The following KIF4A variants were observed in gnomAD, a reference collection of about 807,000 sequenced individuals.
KIF4A encodes the protein chromosome-associated kinesin KIF4A.
KIF4A carries 7 observed loss-of-function variants against 105.9 expected under a neutral mutation model. The ratio of observed to expected loss-of-function variants is 0.07; its 90% CI spans 0.04 to 0.12. KIF4A has a LOEUF of 0.12. Among genes scored for constraint, KIF4A ranks in the 10% least tolerant of loss-of-function variants. The pLI is 1.00. For missense variants in KIF4A, 558 were observed against 929.2 expected, an observed-to-expected ratio of 0.60 and a Z score of 5.19; for synonymous variants, 281 against 331.3, an observed-to-expected ratio of 0.85 and a Z score of 1.65.
intron 7 of KIF4A, among the ~76,000 whole-genome samples, chrX:70,311,440 C>T (rs2085849409): frequency 9.0e-6 from 1 of 110,955 alleles, no homozygotes; most frequent in African/African-American, 3.3e-5. Context: ...CTTTTCTTCT[C>T]CTTTTTAAAA....
chrX:70,371,222 T>C (rs1273859394), intron 15 of KIF4A, among the ~76,000 whole-genome samples: 2 of 91,473 alleles, frequency 2.2e-5, no homozygotes, highest in Non-Finnish European at 4.5e-5. Flanking sequence ...CTTCAGTTTC[T>C]AGACTTCGTT....
intron 7 of KIF4A, among the ~76,000 whole-genome samples, chrX:70,328,662 G>C (rs2085919384): frequency 9.0e-6 from 1 of 111,674 alleles, no homozygotes; most frequent in East Asian, 2.8e-4. Context: ...CATATAACTA[G>C]TCAGTGACAG....
intron 10 of KIF4A, among the ~76,000 whole-genome samples, chrX:70,334,661 A>G (rs866183032): frequency 8.9e-6 from 1 of 112,384 alleles, no homozygotes; most frequent in Middle Eastern, 4.6e-3. Flanking sequence ...TGTTTCCCAC[A>G]GTTACTGTTT....
At chrX:70,370,578 T>C (rs2086126981) in intron 15 of KIF4A, among the ~76,000 whole-genome samples, 1 of 109,211 alleles carries the variant, frequency 9.2e-6, no homozygotes, top group African/African-American at 3.3e-5. Flanking sequence ...GTAGAATATA[T>C]CAAATAAAGA....
rs781519426 is a variant in KIF4A at position 70,395,938 on chromosome X, A to G, written c.2389-11A>G. 2.5e-6 allele frequency: 3 copies of G among 1,201,452 alleles called. No individual in the cohort carries two copies. The highest frequency in any genetic ancestry group is 2.2e-5 in the Admixed American group (1 of 45,632). ...TTAGTATTTCACCCTTGTTCTCACT[A>G]TTATTTACAGAGGCGTACATTCTCC... is the stretch of plus-strand genomic sequence containing the variant. On this transcript the variant is annotated splice_polypyrimidine_tract_variant and intron_variant, in intron 21 of 30. Coordinates refer to ENST00000374403, the MANE Select transcript of KIF4A (RefSeq NM_012310.5).
At chrX:70,291,966 GTTTT>G (rs1217475654) in intron 3 of KIF4A, among the ~76,000 whole-genome samples, 7 of 111,328 alleles carry the variant, frequency 6.3e-5, no homozygotes, top group Non-Finnish European at 1.3e-4. Flanking sequence ...ATTTTTTCAC[GTTTT>G]TTTGTTTAAT....
In KIF4A at chrX:70,417,780, T is replaced by A. The variant is rs755808379; in HGVS notation, c.3256-108T>A. 1,201 of 540,003 alleles carry A rather than the reference T, an allele frequency of 2.2e-3. 2 individuals are homozygous for A. The highest frequency in any genetic ancestry group is 3.3e-3 in the Non-Finnish European group (1,084 of 331,156). 44.5% of individuals were successfully genotyped at this position (540,003 alleles called of 1,213,427 possible). Reference sequence around the variant, plus strand: ...AAGGAGATTGAAGCTTGGTAGATAATAGTACTTTCCATTTTTTTCTAGAAA... The same window carrying A: ...AAGGAGATTGAAGCTTGGTAGATAAAAGTACTTTCCATTTTTTTCTAGAAA... On this transcript the variant is annotated intron_variant, in intron 28 of 30. Coordinates refer to ENST00000374403, the MANE Select transcript of KIF4A (RefSeq NM_012310.5).
At chrX:70,317,635 C>G (rs2085874713) in intron 7 of KIF4A, among the ~76,000 whole-genome samples, 1 of 105,111 alleles carries the variant, frequency 9.5e-6, no homozygotes, top group Non-Finnish European at 1.9e-5. Flanking sequence ...GCCTCAACCT[C>G]CTGGACTCAA....
chrX:70,395,117 G>A (rs1274286362), intron 20 of KIF4A, among the ~76,000 whole-genome samples: 3 of 111,490 alleles, frequency 2.7e-5, no homozygotes, highest in African/African-American at 6.5e-5. Flanking sequence ...GTGGTGGCGC[G>A]TGCTTGTAAT....
chrX:70,390,531 CTGTT>C (rs1271239010), intron 20 of KIF4A, among the ~76,000 whole-genome samples: 2 of 111,034 alleles, frequency 1.8e-5, no homozygotes, highest in African/African-American at 6.5e-5. Flanking sequence ...GCTTTTTTTT[CTGTT>C]TCTGTTGAGA....
At chrX:70,308,416 C>G (rs1016612249) in intron 7 of KIF4A, among the ~76,000 whole-genome samples, 23 of 112,061 alleles carry the variant, frequency 2.1e-4, no homozygotes, top group Non-Finnish European at 1.7e-4. Flanking sequence ...AAGATAAAAT[C>G]TACCTTGATT....
chrX:70,290,835 A>T lies in KIF4A; in HGVS notation c.235+30A>T, dbSNP rs775216475. 9 of 987,921 alleles carry T rather than the reference A, an allele frequency of 9.1e-6. No individual in the cohort carries two copies. The East Asian group carries it at 2.4e-4, about 27-fold the overall frequency. The allele number at this position is 987,921 out of a possible 1,213,427, so 81.4% of individuals were successfully genotyped here. ...GGCGATTTGATTCCTCGAACGTAAC[A>T]TATATATTCCTTGAGCATATACTAT... is the stretch of plus-strand genomic sequence containing the variant. On this transcript the variant is annotated intron_variant, in intron 3 of 30. Coordinates refer to ENST00000374403, the MANE Select transcript of KIF4A (RefSeq NM_012310.5).
chrX:70,317,406 T>G (rs1163375139), intron 7 of KIF4A, among the ~76,000 whole-genome samples: 1 of 111,262 alleles, frequency 9.0e-6, no homozygotes, highest in East Asian at 2.8e-4. Flanking sequence ...GATTATAAAG[T>G]AAGCATCTAT....
At chrX:70,295,714 A>G (rs1343229685) in intron 3 of KIF4A, among the ~76,000 whole-genome samples, 1 of 109,094 alleles carries the variant, frequency 9.2e-6, no homozygotes, top group Non-Finnish European at 1.9e-5. Flanking sequence ...TCAGGAGATC[A>G]AGACCATCCT....
At chrX:70,375,174 A>G in intron 16 of KIF4A, 30 bp from the exon 17 acceptor site, 1 of 1,204,827 alleles carries the variant, frequency 8.3e-7, no homozygotes, top group Non-Finnish European at 1.1e-6. Context: ...TGCTGCTGGT[A>G]GTCCTCACTT....
At chrX:70,418,978 A>G (rs779545290) in intron 29 of KIF4A, among the ~76,000 whole-genome samples, 20 of 110,256 alleles carry the variant, frequency 1.8e-4, no homozygotes, top group Middle Eastern at 9.3e-3. Flanking sequence ...CCAGCTACTC[A>G]GGAGGCTGAG....
chrX:70,377,902 C>T (rs1262325331), intron 18 of KIF4A, among the ~76,000 whole-genome samples: 3 of 112,186 alleles, frequency 2.7e-5, no homozygotes, highest in Non-Finnish European at 5.6e-5. Flanking sequence ...CCACTGCACT[C>T]CAGCCTGTGC....
chrX:70,304,575 T>C (rs1209401387), intron 7 of KIF4A, among the ~76,000 whole-genome samples: 2 of 110,427 alleles, frequency 1.8e-5, no homozygotes, highest in Non-Finnish European at 3.8e-5. Flanking sequence ...ATACAATATA[T>C]TGTCTTTTGT....
chrX:70,319,002 C>T (rs963709875), intron 7 of KIF4A, among the ~76,000 whole-genome samples: 11 of 111,684 alleles, frequency 9.8e-5, no homozygotes, highest in South Asian at 7.4e-4. Flanking sequence ...TGGTGGCTCG[C>T]GCCTGTAATC....
Sources: gnomAD v4.1 joint callset for allele counts (sites outside exome capture counted in the v4.1 genomes callset) on GRCh38, gnomAD v4.1.1 for gene constraint, MANE v1.5 for transcripts, NCBI Gene and HGNC (gene_info 2026-07-23, HGNC 2026-07-21) for gene names.